SLC35F2: variants seen among roughly 807,000 people sequenced by gnomAD.
The protein encoded by SLC35F2 is queuine/queuosine transporter SLC35F2.
A neutral mutation model predicts 38.1 loss-of-function variants in SLC35F2; 25 were observed. The ratio of observed to expected loss-of-function variants is 0.66; its 90% CI spans 0.48 to 0.92. The LOEUF (loss-of-function observed/expected upper bound fraction) is 0.92. SLC35F2 is among the 40% of genes least tolerant of loss of function. The pLI is 0.00. For synonymous variants in SLC35F2, 173 were observed against 181.7 expected (o/e 0.95, Z 0.38); for missense variants, 409 against 452.9 (o/e 0.90, Z 0.88).
chr11:107,852,689 T>C (rs1197967431), intron 1 of SLC35F2, among the ~76,000 whole-genome samples: 1 of 151,584 alleles, frequency 6.6e-6, no homozygotes, highest in Non-Finnish European at 1.5e-5. Flanking sequence ...CTAGCCAACA[T>C]GGCAAAACCC....
At chr11:107,811,197 C>G (rs1859473978) in intron 3 of SLC35F2, 1 of 984,974 alleles carries the variant, frequency 1.0e-6, no homozygotes, top group Non-Finnish European at 1.2e-6. Flanking sequence ...AAGAATAAAC[C>G]TAACAAAGAA....
chr11:107,822,553 C>G (rs1392111859), intron 1 of SLC35F2, among the ~76,000 whole-genome samples: 1 of 152,042 alleles, frequency 6.6e-6, no homozygotes, highest in Admixed American at 6.6e-5. Flanking sequence ...ACTGTGTGCC[C>G]CCACAAAATA....
intron 1 of SLC35F2, among the ~76,000 whole-genome samples, chr11:107,849,215 C>G (rs936717588): frequency 1.3e-5 from 2 of 152,206 alleles, no homozygotes; most frequent in South Asian, 4.1e-4. Flanking sequence ...AATACTCTTT[C>G]GTTTTATTAG....
chr11:107,828,174 G>C (rs1393223442), intron 1 of SLC35F2, among the ~76,000 whole-genome samples: 1 of 152,114 alleles, frequency 6.6e-6, no homozygotes, highest in Non-Finnish European at 1.5e-5. Flanking sequence ...CAGTGGCTCA[G>C]GCCTGTAATC....
intron 1 of SLC35F2, among the ~76,000 whole-genome samples, chr11:107,840,035 G>T (rs1486939267): frequency 6.6e-6 from 1 of 152,080 alleles, no homozygotes; most frequent in African/African-American, 2.4e-5. Context: ...GGGGGAAGGG[G>T]GCAAAATAAA....
At chr11:107,811,128 T>C in intron 3 of SLC35F2, 1 of 985,388 alleles carries the variant, frequency 1.0e-6, no homozygotes, top group Non-Finnish European at 1.2e-6. Context: ...ATCAGTTGTC[T>C]TCAACTTTAC....
At position 107,805,395 on chromosome 11, in the gene SLC35F2, A is replaced by G. The variant is rs758585204; in HGVS notation, c.695T>C (p.Val232Ala). ...ACTGATAATTGTTCCAAACAGGCCC[A>G]CCATTCCTAAAAACTCCTGTCTGCT... The part of the protein sequence containing the change: ...KLSRQEFLGM[V>A]GLFGTIISGI... Residue 232 changes from valine (V) to alanine (A), a missense_variant, in exon 5 of 8, where the codon GTG becomes GCG. Transcript: ENST00000525815. The G allele has an allele frequency of 8.1e-6, 13 of 1,614,020 alleles. No homozygotes were observed. The East Asian group carries it at 1.1e-4, about 14-fold the overall frequency.
chr11:107,795,031 G>A (rs529054098), intron 7 of SLC35F2, among the ~76,000 whole-genome samples: 6 of 152,110 alleles, frequency 3.9e-5, no homozygotes, highest in Non-Finnish European at 8.8e-5. Context: ...ACAAAACCCT[G>A]ATGAAAGAAA....
intron 4 of SLC35F2, 141 bp from the exon 5 acceptor site, chr11:107,805,656 G>T: frequency 6.9e-7 from 1 of 1,448,558 alleles, no homozygotes; most frequent in Non-Finnish European, 9.0e-7. Context: ...TTATGTGTGA[G>T]AGTGTGTGTG....
In SLC35F2 at chr11:107,810,727, A is replaced by G. The variant is rs915477632; in HGVS notation, c.414+940T>C. ...GCTTAGCACAATGTTACAGAAAAGAAAGTAGTTAATATAATGGTAGTAACA... is the reference window on the plus strand; with the variant it reads ...GCTTAGCACAATGTTACAGAAAAGAGAGTAGTTAATATAATGGTAGTAACA... On this transcript the variant is annotated intron_variant, in intron 3 of 7. Coordinates refer to ENST00000525815, the MANE Select transcript of SLC35F2 (RefSeq NM_017515.5). 29 of 981,056 alleles carry G rather than the reference A, an allele frequency of 3.0e-5. No homozygotes were observed. In the African/African-American group the frequency reaches 4.7e-4, roughly 16 times the overall value. The allele number at this position is 981,056 out of a possible 1,614,324, so 60.8% of individuals were successfully genotyped here.
intron 3 of SLC35F2, among the ~76,000 whole-genome samples, chr11:107,809,222 G>A (rs1272503267): frequency 6.6e-6 from 1 of 151,192 alleles, no homozygotes; most frequent in Non-Finnish European, 1.5e-5. Context: ...GGTGGCTCAT[G>A]CCTGTAATCC....
At position 107,803,569 on chromosome 11, in the gene SLC35F2, T is replaced by C. The variant is rs1295015500; in HGVS notation, c.785-414A>G. Reference sequence around the variant, plus strand: ...TTGCTTTTGTTTGGTTGGACATGATTTGTATAATTGGATTCAGAATAAAGT... The same window carrying C: ...TTGCTTTTGTTTGGTTGGACATGATCTGTATAATTGGATTCAGAATAAAGT... On this transcript the variant is annotated intron_variant, in intron 6 of 7. Transcript: ENST00000525815. 3 of 874,866 alleles carry C rather than the reference T, an allele frequency of 3.4e-6. No homozygotes were observed. The East Asian group carries it at 3.7e-4, about 109-fold the overall frequency. The allele number at this position is 874,866 out of a possible 1,614,324, so 54.2% of individuals were successfully genotyped here.
intron 1 of SLC35F2, among the ~76,000 whole-genome samples, chr11:107,855,852 C>T (rs1253244968): frequency 6.6e-6 from 1 of 150,650 alleles, no homozygotes; most frequent in East Asian, 1.9e-4. Context: ...GTGGCTTACG[C>T]TTATAATCCC....
At chr11:107,804,058 G>A (rs559038708) in intron 6 of SLC35F2, among the ~76,000 whole-genome samples, 27 of 148,884 alleles carry the variant, frequency 1.8e-4, no homozygotes, top group Non-Finnish European at 2.7e-4. Flanking sequence ...GGCTGGTCTC[G>A]AACTCCTGAC....
Position 107,815,866 on chromosome 11 carries a change from G to A in SLC35F2, c.210C>T (p.Asn70=), listed in dbSNP as rs771003619. The part of the protein sequence containing the change: ...SQYLAERYKV[N]TPMLQSFINY... ...TGATAAAGCTCTGAAGCATGGGGGT[G>A]TTCACTTTGTATCTTTCTGCCAAAT... The change falls in exon 2 of 8, where the codon AAC becomes AAT. Residue 70 remains asparagine (N), a synonymous_variant. Coordinates refer to ENST00000525815, the MANE Select transcript of SLC35F2 (RefSeq NM_017515.5). 6 of 1,613,960 alleles carry A rather than the reference G, an allele frequency of 3.7e-6. No homozygotes were observed. The highest frequency in any genetic ancestry group is 3.3e-5 in the South Asian group (3 of 91,078).
intron 7 of SLC35F2, among the ~76,000 whole-genome samples, chr11:107,800,140 G>A (rs1184960695): frequency 2.0e-5 from 3 of 151,798 alleles, no homozygotes; most frequent in Admixed American, 6.6e-5. Context: ...CGCCCGCCTC[G>A]GCCTCCCAAG....
At chr11:107,807,574 A>AT (rs1213916748) in intron 3 of SLC35F2, among the ~76,000 whole-genome samples, 1 of 102,184 alleles carries the variant, frequency 9.8e-6, no homozygotes. Context: ...TTATTTTATT[A>AT]TTATTATTTT....
intron 1 of SLC35F2, among the ~76,000 whole-genome samples, chr11:107,844,394 G>C (rs574286582): frequency 2.0e-5 from 3 of 150,038 alleles, no homozygotes; most frequent in African/African-American, 7.4e-5. Flanking sequence ...TTGGGAGGCC[G>C]AGGCAGACGG....
chr11:107,848,704 T>C (rs949456817), intron 1 of SLC35F2, among the ~76,000 whole-genome samples: 1 of 152,210 alleles, frequency 6.6e-6, no homozygotes, highest in African/African-American at 2.4e-5. Context: ...TACAGTATTA[T>C]TGTTATTAAT....
Sources: allele counts gnomAD v4.1 joint callset (sites outside exome capture counted in the v4.1 genomes callset), GRCh38; gene constraint gnomAD v4.1.1; transcripts MANE v1.5; gene names NCBI Gene and HGNC (gene_info 2026-07-23, HGNC 2026-07-21).